RP1: variants seen among roughly 807,000 people sequenced by gnomAD.
RP1 encodes oxygen-regulated protein 1.
A neutral mutation model predicts 14.8 loss-of-function variants in RP1; 16 were observed. That is an observed-to-expected ratio of 1.08 (90% confidence interval 0.73 to 1.65). The LOEUF is 1.65. RP1 is among the 40% of genes most tolerant of loss of function. The pLI, the probability that RP1 is intolerant of heterozygous loss-of-function variation, is 0.00. For missense variants in RP1, 2,631 were observed against 2,535.0 expected, an observed-to-expected ratio of 1.04 and a Z score of -0.81; for synonymous variants, 876 against 883.6, an observed-to-expected ratio of 0.99 and a Z score of 0.15.
At chr8:54,663,727 G>A (rs1315450982) in exon 7 of RP1, 16 of 1,530,960 alleles carry the variant, frequency 1.0e-5, no homozygotes, top group South Asian at 1.2e-5. Flanking sequence ...ATGTGGCAAC[G>A]GGTGAGCTAT....
chr8:54,674,978 G>A (rs959401199), intron 8 of RP1, among the ~76,000 whole-genome samples: 2 of 152,108 alleles, frequency 1.3e-5, no homozygotes, highest in African/African-American at 4.8e-5. Context: ...TCTCAGGCAA[G>A]CTTGTTAGTG....
intron 1 of RP1, among the ~76,000 whole-genome samples, chr8:54,604,212 A>T (rs1304744876): frequency 6.6e-6 from 1 of 152,210 alleles, no homozygotes; most frequent in East Asian, 1.9e-4. Context: ...GATAATTCCC[A>T]TCAATACCTA....
At chr8:54,754,109 A>G (rs1809440880) in intron 19 of RP1, among the ~76,000 whole-genome samples, 1 of 152,176 alleles carries the variant, frequency 6.6e-6, no homozygotes, top group Non-Finnish European at 1.5e-5. Flanking sequence ...AACAGCCACC[A>G]AAGGGGCTGA....
intron 15 of RP1, chr8:54,720,086 A>G (rs984313220): frequency 1.5e-6 from 2 of 1,375,350 alleles, no homozygotes; most frequent in African/African-American, 2.9e-5. Flanking sequence ...TCTGTCTTTT[A>G]GGACTTGCTC....
At position 54,624,872 on chromosome 8, in the gene RP1, T is replaced by C. The variant is rs1805984156; in HGVS notation, c.990T>C (p.Thr330=). ...EKSIIFNQDG[T]MTVEMKVRFR... ...CAATTATTTTTAATCAAGACGGCAC[T>C]ATGACAGTTGAGATGAAAGTTCGAT... The change falls in exon 4 of 4, where the codon ACT becomes ACC. Residue 330 remains threonine (T), a synonymous_variant. Coordinates refer to ENST00000220676, the MANE Select transcript of RP1 (RefSeq NM_006269.2). 6.2e-7 allele frequency: 1 copy of C among 1,613,848 alleles called. No homozygotes were observed.
chr8:54,577,620 A>G (rs1327931040), intron 1 of RP1, among the ~76,000 whole-genome samples: 1 of 152,230 alleles, frequency 6.6e-6, no homozygotes, highest in Admixed American at 6.5e-5. Context: ...TAATAATGAT[A>G]GCTAACATGA....
At chr8:54,750,989 G>T (rs1440294202) in intron 19 of RP1, among the ~76,000 whole-genome samples, 2 of 152,212 alleles carry the variant, frequency 1.3e-5, no homozygotes, top group Admixed American at 6.5e-5. Context: ...CACTCTGTGG[G>T]TGCTTTGTTC....
At chr8:54,704,458 A>G (rs1197333687) in intron 14 of RP1, among the ~76,000 whole-genome samples, 2 of 152,226 alleles carry the variant, frequency 1.3e-5, no homozygotes, top group African/African-American at 2.4e-5. Flanking sequence ...GATAGTTAAC[A>G]TCAAAGATCA....
intron 24 of RP1, among the ~76,000 whole-genome samples, chr8:54,808,897 TTTG>T (rs1263020240): frequency 7.2e-5 from 11 of 152,210 alleles, no homozygotes; most frequent in Admixed American, 7.2e-4. Flanking sequence ...CCCACTGAGG[TTTG>T]TTAAGTTCCT....
chr8:54,776,358 C>T (rs561115654), intron 23 of RP1, among the ~76,000 whole-genome samples: 38 of 152,258 alleles, frequency 2.5e-4, no homozygotes, highest in African/African-American at 8.2e-4. Flanking sequence ...TATGCCACCA[C>T]GCCCAGCTAA....
At chr8:54,622,827 A>G (rs1195265775) in intron 3 of RP1, among the ~76,000 whole-genome samples, 2 of 152,232 alleles carry the variant, frequency 1.3e-5, no homozygotes. Flanking sequence ...ATGTAGGTTG[A>G]TAATTCTGTA....
chr8:54,734,550 A>G (rs1401265974), exon 18 of RP1: 15 of 1,534,184 alleles, frequency 9.8e-6, no homozygotes, highest in Non-Finnish European at 1.3e-5. Context: ...CATAGAAGAA[A>G]TCAGACATTT....
intron 12 of RP1, among the ~76,000 whole-genome samples, chr8:54,685,205 G>A (rs539709174): frequency 2.1e-4 from 32 of 152,048 alleles, no homozygotes; most frequent in African/African-American, 7.5e-4. Flanking sequence ...TACTAGCTTT[G>A]GAGTTTATTT....
intron 23 of RP1, among the ~76,000 whole-genome samples, chr8:54,781,932 A>G (rs1398574812): frequency 2.6e-5 from 4 of 152,150 alleles, no homozygotes; most frequent in Non-Finnish European, 5.9e-5. Flanking sequence ...CTATTTCAGT[A>G]AACAAGACAT....
At chr8:54,699,264 A>C (rs1807955596) in intron 12 of RP1, among the ~76,000 whole-genome samples, 1 of 152,026 alleles carries the variant, frequency 6.6e-6, no homozygotes, top group Non-Finnish European at 1.5e-5. Flanking sequence ...CATTTTATTC[A>C]CATACATATA....
chr8:54,747,757 T>A (rs1319802665), intron 19 of RP1, among the ~76,000 whole-genome samples: 1 of 152,114 alleles, frequency 6.6e-6, no homozygotes, highest in East Asian at 1.9e-4. Context: ...AAAAATTAGC[T>A]GGGTGTGCTG....
At chr8:54,812,755 TATCTATC>T (rs1180972176) in intron 24 of RP1, among the ~76,000 whole-genome samples, 25 of 145,698 alleles carry the variant, frequency 1.7e-4, no homozygotes, top group Admixed American at 1.3e-3. Flanking sequence ...TCCATGTATC[TATCTATC>T]ATCTATCTAT....
chr8:54,753,003 T>C (rs1809413026), intron 19 of RP1, among the ~76,000 whole-genome samples: 2 of 152,352 alleles, frequency 1.3e-5, no homozygotes, highest in South Asian at 4.1e-4. Flanking sequence ...GTTTTACACA[T>C]TACATATAAT....
intron 1 of RP1, among the ~76,000 whole-genome samples, chr8:54,605,557 A>T (rs11995396): frequency 2.0e-5 from 3 of 151,524 alleles, no homozygotes; most frequent in African/African-American, 7.3e-5. Flanking sequence ...TATTAGGTCC[A>T]CTTGGTGCAG....
Sources: gnomAD v4.1 joint callset for allele counts (sites outside exome capture counted in the v4.1 genomes callset) on GRCh38, gnomAD v4.1.1 for gene constraint, MANE v1.5 for transcripts, NCBI Gene and HGNC (gene_info 2026-07-23, HGNC 2026-07-21) for gene names.